CSMD1: variants seen among roughly 807,000 people sequenced by gnomAD.
CSMD1 encodes the protein CUB and sushi domain-containing protein 1.
CSMD1 carries 213 observed loss-of-function variants against 417.5 expected under a neutral mutation model. The ratio of observed to expected loss-of-function variants is 0.51; its 90% CI spans 0.46 to 0.57. CSMD1 has a LOEUF of 0.57. Ranked by LOEUF, CSMD1 falls within the 20% of genes least tolerant of loss-of-function variation. CSMD1 has a pLI of 0.00. For synonymous variants in CSMD1, 2,862 were observed against 1,736.8 expected, an observed-to-expected ratio of 1.65 and a Z score of -16.11; for missense variants, 6,923 against 4,529.7, an observed-to-expected ratio of 1.53 and a Z score of -15.17.
At chr8:3,957,674 C>G (rs1253075498) in intron 5 of CSMD1, among the ~76,000 whole-genome samples, 1 of 148,012 alleles carries the variant, frequency 6.8e-6, no homozygotes, top group Non-Finnish European at 1.5e-5. Context: ...ATTAACAGAG[C>G]AAGACCATGT....
chr8:4,835,632 G>T (rs950650630), intron 1 of CSMD1, among the ~76,000 whole-genome samples: 2 of 152,138 alleles, frequency 1.3e-5, no homozygotes, highest in Non-Finnish European at 2.9e-5. Context: ...AATTGCTCAG[G>T]TGATGAAATG....
intron 3 of CSMD1, among the ~76,000 whole-genome samples, chr8:4,138,955 G>C (rs79349331): frequency 2.6e-5 from 4 of 151,826 alleles, no homozygotes; most frequent in South Asian, 2.1e-4. Context: ...AAACATTGTC[G>C]AACACTCGCC....
chr8:4,193,571 T>G (rs577846666), intron 3 of CSMD1, among the ~76,000 whole-genome samples: 20 of 151,902 alleles, frequency 1.3e-4, no homozygotes, highest in Admixed American at 9.2e-4. Context: ...GGAAAACAAA[T>G]GAAAGAGGCA....
chr8:3,677,003 C>T lies in CSMD1; in HGVS notation c.1009+31411G>A, dbSNP rs373470664. On this transcript the variant is annotated intron_variant, in intron 7 of 69. Coordinates refer to ENST00000635120, the MANE Select transcript of CSMD1 (RefSeq NM_033225.6). ...GAACATCATGGACCGGGGCCTGTTG[C>T]GGGGTTGGGGGCAAGGGGAGGGAGA... Among the ~76,000 whole-genome samples, 660 of 151,104 alleles carry T rather than the reference C, an allele frequency of 4.4e-3. 1 individual carries two copies. The highest frequency in any genetic ancestry group is 7.0e-3 in the Non-Finnish European group (477 of 67,828).
rs552714446 is a variant in CSMD1 at position 3,523,780 on chromosome 8, C to A, written c.1345-30054G>T. On this transcript the variant is annotated intron_variant, in intron 10 of 69. Coordinates refer to ENST00000635120, the MANE Select transcript of CSMD1 (RefSeq NM_033225.6). ...ACACACACATGCACACACATGCACA[C>A]CCAGAGACATATGCACACATGTGCA... Among the ~76,000 whole-genome samples the A allele has an allele frequency of 6.9e-5, 10 of 145,106 alleles. No individual in the cohort carries two copies. In the South Asian group the frequency reaches 1.5e-3, roughly 21 times the overall value.
At chr8:3,487,292 C>A (rs528537521) in intron 11 of CSMD1, among the ~76,000 whole-genome samples, 1 of 152,162 alleles carries the variant, frequency 6.6e-6, no homozygotes, top group Non-Finnish European at 1.5e-5. Context: ...AGCTCCACCT[C>A]CTGGGTTCAC....
intron 3 of CSMD1, among the ~76,000 whole-genome samples, chr8:4,352,005 T>G (rs903287888): frequency 6.6e-6 from 1 of 151,598 alleles, no homozygotes; most frequent in Non-Finnish European, 1.5e-5. Context: ...GGTATGGAAT[T>G]GACTAATGCA....
At chr8:4,929,668 C>T (rs1563793434) in intron 1 of CSMD1, among the ~76,000 whole-genome samples, 1 of 152,180 alleles carries the variant, frequency 6.6e-6, no homozygotes, top group Admixed American at 6.5e-5. Context: ...TTCTACACAT[C>T]TCCCAGAAAA....
At chr8:3,419,704 G>A (rs1025822685) in intron 12 of CSMD1, among the ~76,000 whole-genome samples, 8 of 152,078 alleles carry the variant, frequency 5.3e-5, no homozygotes, top group Non-Finnish European at 8.8e-5. Context: ...CACCTACAAC[G>A]TTCTAATCAA....
chr8:3,038,984 G>A (rs1810886470), intron 50 of CSMD1, among the ~76,000 whole-genome samples: 2 of 152,164 alleles, frequency 1.3e-5, no homozygotes, highest in Non-Finnish European at 2.9e-5. Context: ...AATTCTACAA[G>A]AATAGATGGC....
rs1003439302 is a variant in CSMD1, at chr8:4,787,827, A to T, written c.86-150269T>A. The stretch of plus-strand genomic sequence containing the variant: ...TCATGAGTCATGCTACACAGGCTAT[A>T]TTTGAAATGCTGGAGAAATCCTGGT... On this transcript the variant is annotated intron_variant, in intron 1 of 69. Coordinates refer to ENST00000635120, the MANE Select transcript of CSMD1 (RefSeq NM_033225.6). 3 of 1,575,556 alleles carry T rather than the reference A, an allele frequency of 1.9e-6. No individual in the cohort carries two copies. In the African/African-American group the frequency reaches 4.0e-5, roughly 21 times the overall value.
chr8:4,122,947 A>T (rs1802568579), intron 3 of CSMD1, among the ~76,000 whole-genome samples: 1 of 152,242 alleles, frequency 6.6e-6, no homozygotes, highest in African/African-American at 2.4e-5. Flanking sequence ...AGGCTACTGC[A>T]AAGCAGCACT....
chr8:4,962,264 A>G (rs1187784744), intron 1 of CSMD1, among the ~76,000 whole-genome samples: 2 of 151,928 alleles, frequency 1.3e-5, no homozygotes, highest in Non-Finnish European at 2.9e-5. Flanking sequence ...AAACTGGAGT[A>G]CAGTGTCACA....
chr8:4,549,043 C>T (rs1222764580), intron 2 of CSMD1, among the ~76,000 whole-genome samples: 3 of 152,052 alleles, frequency 2.0e-5, no homozygotes, highest in African/African-American at 4.8e-5. Context: ...GTTGACTTTT[C>T]ACATTCATTT....
intron 3 of CSMD1, among the ~76,000 whole-genome samples, chr8:4,263,683 T>A (rs1048786097): frequency 6.6e-6 from 1 of 152,210 alleles, no homozygotes; most frequent in African/African-American, 2.4e-5. Context: ...ATTATTTATA[T>A]CACCTTAATT....
At position 3,890,865 on chromosome 8, in the gene CSMD1, G is replaced by C. The variant is rs1806926043; in HGVS notation, c.818+107038C>G. The stretch of plus-strand genomic sequence containing the variant: ...TACTCAGTAAGTATATACAATGAGA[G>C]GATGAAAGAGCAAGATTTCTTGAGT... On this transcript the variant is annotated intron_variant, in intron 5 of 69. Transcript: ENST00000635120. 2.0e-5 allele frequency among the ~76,000 whole-genome samples: 3 copies of C among 152,196 alleles called. 1 individual carries two copies. In the South Asian group the frequency reaches 6.2e-4, roughly 32 times the overall value.
chr8:3,994,770 G>C (rs562744065), intron 5 of CSMD1, among the ~76,000 whole-genome samples: 51 of 152,284 alleles, frequency 3.3e-4, no homozygotes, highest in African/African-American at 1.2e-3. Flanking sequence ...TGGCAACCCT[G>C]ACTTAAAACA....
intron 8 of CSMD1, among the ~76,000 whole-genome samples, chr8:3,611,688 C>A (rs1332858768): frequency 6.6e-6 from 1 of 151,964 alleles, no homozygotes; most frequent in Non-Finnish European, 1.5e-5. Context: ...CTTTCAGATC[C>A]TCCTAATGAA....
chr8:4,239,019 G>A (rs1175758578), intron 3 of CSMD1, among the ~76,000 whole-genome samples: 1 of 152,088 alleles, frequency 6.6e-6, no homozygotes, highest in Admixed American at 6.6e-5. Flanking sequence ...GATTAGGTTC[G>A]AAAATCTGCT....
Sources: allele counts gnomAD v4.1 joint callset (sites outside exome capture counted in the v4.1 genomes callset), GRCh38; gene constraint gnomAD v4.1.1; transcripts MANE v1.5; gene names NCBI Gene and HGNC (gene_info 2026-07-23, HGNC 2026-07-21).